The following ARHGAP39 variants were observed in gnomAD, a reference collection of about 807,000 sequenced individuals.
The protein encoded by ARHGAP39 is rho GTPase-activating protein 39.
In ARHGAP39, 44 loss-of-function variants were observed where a neutral mutation model predicts 106.9. That is an observed-to-expected ratio of 0.41 (90% CI 0.32 to 0.53). The LOEUF (loss-of-function observed/expected upper bound fraction) is 0.53, where lower values mean the gene tolerates loss of function less well. Ranked by LOEUF, ARHGAP39 falls within the 20% of genes least tolerant of loss-of-function variation. The probability of loss-of-function intolerance (pLI) is 0.21; values close to 1 mark genes in which losing one functional copy is unlikely to be tolerated. For missense variants in ARHGAP39, 1,496 were observed against 1,577.3 expected (o/e 0.95, Z 0.87); for synonymous variants, 768 against 693.2 (o/e 1.11, Z -1.69).
chr8:144,694,985 G>C, the ARHGAP39 span, among the ~76,000 whole-genome samples: 3 of 151,730 alleles, frequency 2.0e-5, no homozygotes, highest in Non-Finnish European at 4.4e-5. Flanking sequence ...TGAGTTTTAA[G>C]TTGCCCATTG....
intron 9 of ARHGAP39, among the ~76,000 whole-genome samples, chr8:144,532,748 AC>A (rs999120183): frequency 2.6e-5 from 4 of 152,146 alleles, no homozygotes; most frequent in African/African-American, 9.7e-5. Flanking sequence ...CCTTGCCCTG[AC>A]AGGTGAGTCA....
At chr8:144,536,399 G>A (rs753743000) in intron 7 of ARHGAP39, among the ~76,000 whole-genome samples, 15 of 152,118 alleles carry the variant, frequency 9.9e-5, no homozygotes, top group South Asian at 2.1e-4. Context: ...ACCCTGGGCC[G>A]CAATGTCCCA....
At chr8:144,582,191 G>C (rs2620646) in intron 2 of ARHGAP39, among the ~76,000 whole-genome samples, 3 of 152,190 alleles carry the variant, frequency 2.0e-5, no homozygotes, top group African/African-American at 4.8e-5. Flanking sequence ...GCCCAGACAC[G>C]GGCTAGTGGG....
intron 2 of ARHGAP39, among the ~76,000 whole-genome samples, chr8:144,599,421 T>G (rs1055072212): frequency 6.6e-6 from 1 of 152,166 alleles, no homozygotes; most frequent in Non-Finnish European, 1.5e-5. Flanking sequence ...ATGATACCAT[T>G]AGTGTAAGAA....
At position 144,645,905 on chromosome 8, in the gene ARHGAP39, T is replaced by C. The variant is rs1821432672; in HGVS notation, c.-82+39781A>G. On this transcript the variant is annotated intron_variant, in intron 1 of 11. Transcript: ENST00000377307. The surrounding 1 kb of genome is among the most constrained non-coding windows in gnomAD (Gnocchi z 4.4). ...GATGGAGCTGGCCTTGCCTGGGTGC[T>C]GGTGCAAGGTATGCGGCAGCAACAC... Among the ~76,000 whole-genome samples, 1 of 152,212 alleles carries C rather than the reference T, an allele frequency of 6.6e-6. No individual in the cohort carries two copies. The highest frequency in any genetic ancestry group is 2.1e-4 in the South Asian group (1 of 4,832).
rs975369079 is a variant in ARHGAP39 at position 144,598,710 on chromosome 8, G to A, written c.80+6825C>T. 2.6e-5 allele frequency among the ~76,000 whole-genome samples: 4 copies of A among 152,212 alleles called. No individual in the cohort carries two copies. In the South Asian group the frequency reaches 6.2e-4, roughly 24 times the overall value. On this transcript the variant is annotated intron_variant, in intron 2 of 11. Coordinates refer to ENST00000377307, the MANE Select transcript of ARHGAP39 (RefSeq NM_025251.3). ...ATGTCAGCCCATGAGCAGGTGCCAC[G>A]TGCTCTTTCTCCAGTCACCTGGATG... is the stretch of plus-strand genomic sequence containing the variant.
At chr8:144,680,398 G>A (rs1822375965) in intron 1 of ARHGAP39, among the ~76,000 whole-genome samples, 1 of 152,200 alleles carries the variant, frequency 6.6e-6, no homozygotes, top group African/African-American at 2.4e-5. Flanking sequence ...ACAGAAATAA[G>A]CAGGCGCAGC....
intron 1 of ARHGAP39, among the ~76,000 whole-genome samples, chr8:144,677,537 G>A (rs1163035991): frequency 2.0e-5 from 3 of 152,196 alleles, no homozygotes; most frequent in Non-Finnish European, 4.4e-5. Context: ...GCTGGTAACA[G>A]CATGAAAATT....
chr8:144,583,550 CCT>C (rs1009370999), intron 2 of ARHGAP39, among the ~76,000 whole-genome samples: 1 of 152,172 alleles, frequency 6.6e-6, no homozygotes. Flanking sequence ...CCGTAAGGCC[CCT>C]GACATCCTGT....
Position 144,586,609 on chromosome 8 carries a change from C to G in ARHGAP39, c.81-5332G>C, listed in dbSNP as rs866833750. On this transcript the variant is annotated intron_variant, in intron 2 of 11. Transcript: ENST00000377307. The surrounding 1 kb of genome is among the most constrained non-coding windows in gnomAD (Gnocchi z 4.2). ...TCGGAGTGTGACTCCTTCACAGACA[C>G]TGGGCTTCAATCTGGGGCAGTGGCC... The G allele has an allele frequency of 6.6e-6, 1 of 152,462 alleles. No homozygotes were observed. The highest frequency in any genetic ancestry group is 3.4e-3 in the Middle Eastern group (1 of 298). 9.4% of individuals were successfully genotyped at this position (152,462 alleles called of 1,614,324 possible).
At chr8:144,666,041 G>A (rs933211205) in intron 1 of ARHGAP39, among the ~76,000 whole-genome samples, 1 of 152,194 alleles carries the variant, frequency 6.6e-6, no homozygotes, top group Admixed American at 6.5e-5. Flanking sequence ...GTCCAACCAT[G>A]GGAACCCACC....
intron 3 of ARHGAP39, among the ~76,000 whole-genome samples, chr8:144,565,988 G>A (rs1818380845): frequency 6.6e-6 from 1 of 151,614 alleles, no homozygotes; most frequent in South Asian, 2.1e-4. Context: ...CAGCTACTCA[G>A]GAAGCAGAGG....
At chr8:144,691,686 C>T in the ARHGAP39 span, among the ~76,000 whole-genome samples, 3 of 152,024 alleles carry the variant, frequency 2.0e-5, no homozygotes, top group Admixed American at 2.0e-4. Context: ...CATTTTGTTG[C>T]AGCCCACAAT....
chr8:144,660,936 G>T (rs773279482), intron 1 of ARHGAP39, among the ~76,000 whole-genome samples: 3 of 152,050 alleles, frequency 2.0e-5, no homozygotes, highest in Non-Finnish European at 2.9e-5. Flanking sequence ...AGTGAGCTGA[G>T]ATTGTGCCAT....
At chr8:144,633,147 G>T (rs113667766) in intron 1 of ARHGAP39, among the ~76,000 whole-genome samples, 21,602 of 147,290 alleles carry the variant, frequency 0.15, 2,401 homozygotes, top group African/African-American at 0.33. Context: ...GTTTTTTTTT[G>T]TTTGTTTGTT....
Position 144,545,274 on chromosome 8 carries a change from G to GTGCC in ARHGAP39, c.2492_2495dup (p.His832GlnfsTer8). The GTGCC allele has an allele frequency of 6.4e-7, 1 of 1,555,326 alleles. No homozygotes were observed. On this transcript the variant is annotated frameshift_variant, in exon 6 of 12. Coordinates refer to ENST00000377307, the MANE Select transcript of ARHGAP39 (RefSeq NM_025251.3). LOFTEE classifies it high-confidence loss of function. ...CTTTAGTGTCATTGACGGGGTCCAT[G>GTGCC]TGCCGGTAGATGTAGCCTTCCAGGT... is the stretch of plus-strand genomic sequence containing the variant.
intron 1 of ARHGAP39, among the ~76,000 whole-genome samples, chr8:144,662,162 C>T (rs1225950950): frequency 6.6e-6 from 1 of 151,354 alleles, no homozygotes; most frequent in Non-Finnish European, 1.5e-5. Context: ...GTCACTTTCT[C>T]TCCCCATTAT....
chr8:144,529,390 T>C lies in ARHGAP39; in HGVS notation c.*1032A>G, dbSNP rs1190212587. 1.3e-5 allele frequency: 2 copies of C among 152,612 alleles called. No homozygotes were observed. The highest frequency in any genetic ancestry group is 4.1e-4 in the South Asian group (2 of 4,842). 9.5% of individuals were successfully genotyped at this position (152,612 alleles called of 1,614,324 possible). On this transcript the variant is annotated 3_prime_UTR_variant, in exon 12 of 12. Transcript: ENST00000377307. ...ATAAAAACTGGGGAGAAATTAAGTT[T>C]TACAACAATTGGAACTCAAAATTCC...
intron 3 of ARHGAP39, among the ~76,000 whole-genome samples, chr8:144,564,810 TAA>T (rs761575851): frequency 1.7e-4 from 19 of 109,440 alleles, no homozygotes; most frequent in Admixed American, 2.9e-4. Context: ...GTGAGATCTC[TAA>T]AAAAAAAAAA....
Sources: gnomAD v4.1 joint callset for allele counts (sites outside exome capture counted in the v4.1 genomes callset) on GRCh38, gnomAD v4.1.1 for gene constraint, Gnocchi (gnomAD v3.1) non-coding constraint, MANE v1.5 for transcripts, NCBI Gene and HGNC (gene_info 2026-07-23, HGNC 2026-07-21) for gene names.